Variants in LRRC7 observed in about 807,000 individuals in gnomAD.
The protein encoded by LRRC7 is leucine-rich repeat-containing protein 7.
A neutral mutation model predicts 175.7 loss-of-function variants in LRRC7; 23 were observed. The observed-to-expected ratio is 0.13, with a 90% CI of 0.09 to 0.19. The LOEUF is 0.19. LRRC7 is among the 10% of genes least tolerant of loss of function. The pLI, the probability that LRRC7 is intolerant of heterozygous loss-of-function variation, is 1.00. For synonymous variants in LRRC7, 685 were observed against 680.9 expected (o/e 1.01, Z -0.09); for missense variants, 1,354 against 1,904.7 (o/e 0.71, Z 5.38).
intron 8 of LRRC7, among the ~76,000 whole-genome samples, chr1:69,944,951 C>T (rs1484764392): frequency 1.3e-5 from 2 of 151,882 alleles, no homozygotes; most frequent in South Asian, 4.1e-4. Context: ...TCTCCCATTC[C>T]ATATGTTGTC....
At chr1:69,723,212 C>T (rs1212240100) in intron 2 of LRRC7, among the ~76,000 whole-genome samples, 1 of 151,944 alleles carries the variant, frequency 6.6e-6, no homozygotes, top group Non-Finnish European at 1.5e-5. Flanking sequence ...TTTGACCCAC[C>T]TATGATTGTG....
rs1660144337 is a variant in LRRC7, at chr1:70,044,113, A to C, written c.4110+19A>C. Reference sequence around the variant, plus strand: ...TCAGAAAGTAAGTATGGACTGCCCTACATGTGTCAGCATACCAAAGCCAAT... The same window carrying C: ...TCAGAAAGTAAGTATGGACTGCCCTCCATGTGTCAGCATACCAAAGCCAAT... On this transcript the variant is annotated intron_variant, in intron 22 of 26. Transcript: ENST00000651989. 2 of 1,607,938 alleles carry C rather than the reference A, an allele frequency of 1.2e-6. No homozygotes were observed. Among genetic ancestry groups the C allele is most frequent in the Non-Finnish European group, 1.7e-6 (2 of 1,176,170 alleles).
chr1:69,756,967 G>A (rs1182893236), intron 2 of LRRC7, among the ~76,000 whole-genome samples: 1 of 151,872 alleles, frequency 6.6e-6, no homozygotes, highest in Non-Finnish European at 1.5e-5. Flanking sequence ...AAGTTGTTTA[G>A]AAATTCAGGG....
intron 7 of LRRC7, among the ~76,000 whole-genome samples, chr1:69,915,187 T>G (rs1315820020): frequency 6.6e-6 from 1 of 152,118 alleles, no homozygotes; most frequent in Non-Finnish European, 1.5e-5. Flanking sequence ...TTAAGGGGAA[T>G]GTGACACTAA....
At chr1:69,958,306 G>T (rs966686906) in intron 8 of LRRC7, among the ~76,000 whole-genome samples, 3 of 151,902 alleles carry the variant, frequency 2.0e-5, no homozygotes, top group Admixed American at 1.3e-4. Flanking sequence ...CTGTATTTCA[G>T]GGATCCTAGC....
At chr1:70,036,366 G>A (rs1659313068) in intron 19 of LRRC7, 78 bp from the exon 20 acceptor site, 6 of 1,459,238 alleles carry the variant, frequency 4.1e-6, no homozygotes, top group Non-Finnish European at 5.6e-6. Context: ...AATCGGTATG[G>A]TTTCCATTTT....
intron 1 of LRRC7, among the ~76,000 whole-genome samples, chr1:69,616,068 C>T (rs1649559728): frequency 6.6e-6 from 1 of 152,044 alleles, no homozygotes; most frequent in South Asian, 2.1e-4. Flanking sequence ...AACTGTTTCT[C>T]TACTACCACT....
intron 2 of LRRC7, among the ~76,000 whole-genome samples, chr1:69,689,565 A>C (rs1014847386): frequency 6.6e-6 from 1 of 152,140 alleles, no homozygotes; most frequent in African/African-American, 2.4e-5. Flanking sequence ...AAACATTCCT[A>C]CCCAGCTCTG....
chr1:70,041,771 G>A (rs1659918707), intron 21 of LRRC7, among the ~76,000 whole-genome samples: 2 of 152,222 alleles, frequency 1.3e-5, no homozygotes, highest in Admixed American at 1.3e-4. Flanking sequence ...CCATCACTTA[G>A]TTACTGGTGT....
At position 70,124,165 on chromosome 1, in the gene LRRC7, A is replaced by G. The variant is rs1666338955; in HGVS notation, c.*2278A>G. ...CTTGACCAACTGGAAAAGTTATCTG[A>G]TATGCCAAAGCACCTCACTGTCAAT... On this transcript the variant is annotated 3_prime_UTR_variant, in exon 27 of 27. Coordinates refer to ENST00000651989, the MANE Select transcript of LRRC7 (RefSeq NM_001370785.2). Among the ~76,000 whole-genome samples, 1 of 152,188 alleles carries G rather than the reference A, an allele frequency of 6.6e-6. No homozygotes were observed. The highest frequency in any genetic ancestry group is 2.1e-4 in the South Asian group (1 of 4,834).
intron 7 of LRRC7, among the ~76,000 whole-genome samples, chr1:69,868,896 T>C (rs956032422): frequency 2.8e-5 from 4 of 142,810 alleles, no homozygotes; most frequent in African/African-American, 1.0e-4. Flanking sequence ...TCTATCTATA[T>C]ATGTATGTAT....
intron 1 of LRRC7, among the ~76,000 whole-genome samples, chr1:69,642,042 G>GCTTA (rs1654292342): frequency 6.6e-6 from 1 of 151,830 alleles, no homozygotes; most frequent in Non-Finnish European, 1.5e-5. Context: ...TTTAACTGAT[G>GCTTA]CTTAATATTA....
intron 26 of LRRC7, among the ~76,000 whole-genome samples, chr1:70,110,984 G>A (rs892871547): frequency 2.6e-5 from 4 of 152,094 alleles, no homozygotes; most frequent in African/African-American, 9.7e-5. Context: ...TCAGAATCTT[G>A]TGTTTTCAAT....
Position 70,134,818 on chromosome 1 carries a change from A to C in LRRC7, c.*12931A>C, listed in dbSNP as rs903895549. Among the ~76,000 whole-genome samples, 1 of 152,168 alleles carries C rather than the reference A, an allele frequency of 6.6e-6. No individual in the cohort carries two copies. The highest frequency in any genetic ancestry group is 1.5e-5 in the Non-Finnish European group (1 of 68,020). Reference sequence around the variant, plus strand: ...TCTTCCTCTCTTTTCAGAGAAGTTAAATATCTCCTTAACAAATTTAAATTG... The same window carrying C: ...TCTTCCTCTCTTTTCAGAGAAGTTACATATCTCCTTAACAAATTTAAATTG... On this transcript the variant is annotated 3_prime_UTR_variant, in exon 27 of 27. Coordinates refer to ENST00000651989, the MANE Select transcript of LRRC7 (RefSeq NM_001370785.2).
chr1:70,037,994 A>G, intron 20 of LRRC7, 119 bp from the exon 21 acceptor site: 3 of 1,252,074 alleles, frequency 2.4e-6, no homozygotes, highest in Non-Finnish European at 3.3e-6. Context: ...ATCATAAGTC[A>G]GGTGAGGATT....
At chr1:69,869,545 C>G (rs1333034896) in intron 7 of LRRC7, among the ~76,000 whole-genome samples, 3 of 152,072 alleles carry the variant, frequency 2.0e-5, no homozygotes, top group Non-Finnish European at 4.4e-5. Context: ...GGCTGGAAGT[C>G]TAGATTTTGT....
intron 1 of LRRC7, among the ~76,000 whole-genome samples, chr1:69,640,317 G>A (rs61782242): frequency 0.32 from 47,983 of 151,324 alleles, 8,193 homozygotes; most frequent in East Asian, 0.59. Flanking sequence ...TAATTCTTGA[G>A]GATGTAATCC....
chr1:69,888,611 C>G (rs1645731832), intron 7 of LRRC7, among the ~76,000 whole-genome samples: 1 of 152,164 alleles, frequency 6.6e-6, no homozygotes, highest in Non-Finnish European at 1.5e-5. Flanking sequence ...TATACCGGAG[C>G]TGTTCCTATT....
rs1341049507 is a variant in LRRC7 at position 69,760,312 on chromosome 1, G to A, written c.222G>A (p.Gln74=). The part of the protein sequence containing the change: ...VLDYSHCSLQ[Q]VPKEVFNFER... Reference sequence around the variant, plus strand: ...ATTACTCCCACTGCAGTCTTCAGCAGGTGCCAAAGGAGGTCTTTAACTTCG... The same window carrying A: ...ATTACTCCCACTGCAGTCTTCAGCAAGTGCCAAAGGAGGTCTTTAACTTCG... Residue 74 remains glutamine (Q), a synonymous_variant, in exon 3 of 27, where the codon CAG becomes CAA. Transcript: ENST00000651989. The A allele has an allele frequency of 9.9e-6, 16 of 1,612,804 alleles. No individual in the cohort carries two copies. The highest frequency in any genetic ancestry group is 1.3e-5 in the African/African-American group (1 of 74,822).
Sources: gnomAD v4.1 joint callset for allele counts (sites outside exome capture counted in the v4.1 genomes callset) on GRCh38, gnomAD v4.1.1 for gene constraint, MANE v1.5 for transcripts, NCBI Gene and HGNC (gene_info 2026-07-23, HGNC 2026-07-21) for gene names.